Variants in ADAM2 observed in about 807,000 individuals in gnomAD.
ADAM2 encodes the protein disintegrin and metalloproteinase domain-containing protein 2.
ADAM2 carries 101 observed loss-of-function variants against 99.3 expected under a neutral mutation model. The observed-to-expected ratio is 1.02, with a 90% CI of 0.87 to 1.20. The LOEUF (loss-of-function observed/expected upper bound fraction) is 1.20, where lower values mean the gene tolerates loss of function less well. Ranked by LOEUF, ADAM2 falls within the 50% of genes most tolerant of loss-of-function variation. The pLI, the probability that ADAM2 is intolerant of heterozygous loss-of-function variation, is 0.00. For synonymous variants in ADAM2, 323 were observed against 287.6 expected, an observed-to-expected ratio of 1.12 and a Z score of -1.25; for missense variants, 948 against 878.7, an observed-to-expected ratio of 1.08 and a Z score of -1.00.
At chr8:39,780,347 T>G (rs987542198) in intron 10 of ADAM2, among the ~76,000 whole-genome samples, 1 of 152,068 alleles carries the variant, frequency 6.6e-6, no homozygotes, top group African/African-American at 2.4e-5. Context: ...CCAAACCATA[T>G]CAAAGAGCAT....
intron 4 of ADAM2, among the ~76,000 whole-genome samples, chr8:39,823,233 T>C (rs551827739): frequency 5.3e-5 from 8 of 152,346 alleles, no homozygotes; most frequent in Non-Finnish European, 8.8e-5. Context: ...ACAAACTCTT[T>C]CCTGGTTTAG....
rs112394042 is a variant in ADAM2, at chr8:39,766,903, A to G, written c.1452T>C (p.Cys484=). 3.7e-5 allele frequency: 59 copies of G among 1,614,104 alleles called. No homozygotes were observed. The African/African-American group carries it at 4.3e-4, about 12-fold the overall frequency. The change falls in exon 14 of 21, where the codon TGT becomes TGC. Residue 484 remains cysteine, a synonymous_variant. Transcript: ENST00000265708. ...GHPCGLNQWI[C]IDGVCMSGDK... Reference sequence around the variant, plus strand: ...CCCCACTCATACAAACTCCATCTATACAGATCCATTGATTCAGTCCACACG... The same window carrying G: ...CCCCACTCATACAAACTCCATCTATGCAGATCCATTGATTCAGTCCACACG...
intron 20 of ADAM2, among the ~76,000 whole-genome samples, chr8:39,744,303 G>A (rs1033195365): frequency 2.6e-5 from 4 of 151,938 alleles, no homozygotes; most frequent in Non-Finnish European, 5.9e-5. Flanking sequence ...ACTTGATCAT[G>A]TCTATTATAA....
chr8:39,756,331 T>C (rs1229658376), intron 15 of ADAM2, among the ~76,000 whole-genome samples: 1 of 152,246 alleles, frequency 6.6e-6, no homozygotes, highest in Non-Finnish European at 1.5e-5. Context: ...AGGTCACTCA[T>C]ATTAATTAAC....
chr8:39,816,133 T>C (rs1804930351), intron 6 of ADAM2, among the ~76,000 whole-genome samples: 1 of 151,928 alleles, frequency 6.6e-6, no homozygotes, highest in Non-Finnish European at 1.5e-5. Flanking sequence ...CCATCTCAAC[T>C]AAAAATGCAA....
intron 2 of ADAM2, among the ~76,000 whole-genome samples, chr8:39,835,636 T>C (rs1193995927): frequency 6.6e-6 from 1 of 151,380 alleles, no homozygotes; most frequent in Non-Finnish European, 1.5e-5. Flanking sequence ...TGAGCCGAGG[T>C]TGCGCCACTG....
chr8:39,744,848 C>T lies in ADAM2; in HGVS notation c.*12G>A. The T allele has an allele frequency of 6.3e-7, 1 of 1,594,934 alleles. No homozygotes were observed. Among genetic ancestry groups the T allele is most frequent in the Middle Eastern group, 1.7e-4 (1 of 5,830 alleles). On this transcript the variant is annotated 3_prime_UTR_variant, in exon 20 of 21. Transcript: ENST00000265708. ...AACTCACAGTGATATCATGGCATCT[C>T]TGTTGTCCAGACTACCCTTTAGGTT...
intron 18 of ADAM2, among the ~76,000 whole-genome samples, chr8:39,748,343 G>A (rs146106721): frequency 6.6e-6 from 1 of 152,260 alleles, no homozygotes; most frequent in Non-Finnish European, 1.5e-5. Flanking sequence ...GCATGTGTGT[G>A]CATGAATAGA....
intron 6 of ADAM2, among the ~76,000 whole-genome samples, chr8:39,813,946 GTAAA>G (rs1804812324): frequency 1.3e-5 from 2 of 151,152 alleles, no homozygotes; most frequent in East Asian, 1.9e-4. Context: ...ATAAATATAT[GTAAA>G]TAAATGTGTG....
chr8:39,757,017 A>G (rs569580839), intron 15 of ADAM2, among the ~76,000 whole-genome samples: 1 of 152,318 alleles, frequency 6.6e-6, no homozygotes, highest in South Asian at 2.1e-4. Flanking sequence ...GCTTCACTTT[A>G]GTCTTCCCTC....
chr8:39,771,881 A>G (rs975204002), intron 11 of ADAM2, among the ~76,000 whole-genome samples: 1 of 152,072 alleles, frequency 6.6e-6, no homozygotes, highest in African/African-American at 2.4e-5. Context: ...CCATGTGTGA[A>G]CTGGTTTATA....
chr8:39,771,584 T>C (rs1203157670), intron 11 of ADAM2, among the ~76,000 whole-genome samples: 3 of 152,170 alleles, frequency 2.0e-5, no homozygotes, highest in African/African-American at 4.8e-5. Flanking sequence ...GGTAATAAAC[T>C]TGATGGTATC....
intron 12 of ADAM2, among the ~76,000 whole-genome samples, chr8:39,768,787 A>C (rs80207388): frequency 0.015 from 2,225 of 152,242 alleles, 62 homozygotes; most frequent in African/African-American, 0.051. Context: ...CTTATATGAG[A>C]GATTAGAATG....
intron 6 of ADAM2, among the ~76,000 whole-genome samples, chr8:39,815,374 T>C (rs962767130): frequency 6.6e-6 from 1 of 152,164 alleles, no homozygotes; most frequent in Non-Finnish European, 1.5e-5. Context: ...TGTTTAGAAT[T>C]ATAAGGATGG....
chr8:39,771,551 A>C (rs1372355443), intron 11 of ADAM2, among the ~76,000 whole-genome samples: 1 of 152,194 alleles, frequency 6.6e-6, no homozygotes, highest in African/African-American at 2.4e-5. Context: ...AGACATTGTT[A>C]ATAGGAATGT....
chr8:39,804,829 T>C (rs1001010766), intron 7 of ADAM2, among the ~76,000 whole-genome samples: 9 of 152,184 alleles, frequency 5.9e-5, no homozygotes, highest in African/African-American at 1.7e-4. Flanking sequence ...GTAAAGTGCA[T>C]AGCTTTACAT....
chr8:39,745,049 C>T (rs919924766), intron 19 of ADAM2, among the ~76,000 whole-genome samples, 156 bp from the exon 20 acceptor site: 2 of 151,912 alleles, frequency 1.3e-5, no homozygotes, highest in African/African-American at 4.8e-5. Context: ...ACATCTCTGC[C>T]CTGGTAATCA....
intron 18 of ADAM2, among the ~76,000 whole-genome samples, chr8:39,748,094 A>G (rs2129582655): frequency 6.6e-6 from 1 of 152,240 alleles, no homozygotes. Flanking sequence ...GGCTTATTAG[A>G]TGGTTGTATT....
At chr8:39,773,389 G>A (rs1802859273) in intron 11 of ADAM2, among the ~76,000 whole-genome samples, 1 of 151,580 alleles carries the variant, frequency 6.6e-6, no homozygotes, top group Non-Finnish European at 1.5e-5. Flanking sequence ...CTAGAAAAAA[G>A]ATGAATAAAC....
Sources: allele counts gnomAD v4.1 joint callset (sites outside exome capture counted in the v4.1 genomes callset), GRCh38; gene constraint gnomAD v4.1.1; transcripts MANE v1.5; gene names NCBI Gene and HGNC (gene_info 2026-07-23, HGNC 2026-07-21).